Variants in TUFT1 observed in about 807,000 individuals in gnomAD.
The protein encoded by TUFT1 is tuftelin.
TUFT1 carries 43 observed loss-of-function variants against 57.8 expected under a neutral mutation model. The ratio of observed to expected loss-of-function variants is 0.74; its 90% confidence interval spans 0.58 to 0.96. TUFT1 has a LOEUF of 0.96. Ranked by LOEUF, TUFT1 falls within the 40% of genes least tolerant of loss-of-function variation. The pLI is 0.00. For missense variants in TUFT1, 459 were observed against 489.0 expected (o/e 0.94, Z 0.58); for synonymous variants, 166 against 176.7 (o/e 0.94, Z 0.48).
intron 6 of TUFT1, among the ~76,000 whole-genome samples, chr1:151,568,191 G>A (rs1666142065): frequency 1.3e-5 from 2 of 151,994 alleles, no homozygotes; most frequent in African/African-American, 4.8e-5. Context: ...ATCCTCATGG[G>A]TCCTGTCAAG....
At chr1:151,563,592 T>C (rs1160556820) in intron 3 of TUFT1, among the ~76,000 whole-genome samples, 1 of 152,152 alleles carries the variant, frequency 6.6e-6, no homozygotes, top group Non-Finnish European at 1.5e-5. Context: ...AAGGATGAAA[T>C]TGCCTAATGA....
intron 11 of TUFT1, 105 bp from the exon 12 acceptor site, chr1:151,580,837 C>A: frequency 1.0e-6 from 1 of 976,138 alleles, no homozygotes; most frequent in Non-Finnish European, 1.6e-6. Context: ...GGGGTAGAGG[C>A]AACAGCAGCA....
At chr1:151,555,951 T>C (rs1665684081) in intron 1 of TUFT1, among the ~76,000 whole-genome samples, 1 of 152,072 alleles carries the variant, frequency 6.6e-6, no homozygotes. Context: ...AACATTTCCA[T>C]CACCAAAAGC....
chr1:151,548,937 C>T (rs1217790773), intron 1 of TUFT1, among the ~76,000 whole-genome samples: 2 of 152,134 alleles, frequency 1.3e-5, no homozygotes, highest in Non-Finnish European at 2.9e-5. Context: ...TTCCCTGGGG[C>T]CTCCCTGTTT....
At chr1:151,563,369 G>A (rs539797105) in intron 3 of TUFT1, among the ~76,000 whole-genome samples, 8 of 152,002 alleles carry the variant, frequency 5.3e-5, no homozygotes, top group Admixed American at 3.3e-4. Flanking sequence ...AGACAACAGT[G>A]GTCCCATAAG....
intron 1 of TUFT1, 160 bp downstream of exon 1, chr1:151,540,586 C>G: frequency 1.3e-6 from 1 of 769,270 alleles, no homozygotes; most frequent in Non-Finnish European, 2.1e-6. Context: ...TTGCCTGCGA[C>G]GGGCAGTGGG....
chr1:151,544,337 C>T (rs548268217), intron 1 of TUFT1, among the ~76,000 whole-genome samples: 367 of 152,132 alleles, frequency 2.4e-3, no homozygotes, highest in South Asian at 5.4e-3. Flanking sequence ...CACTCTGTCA[C>T]CCAGGCTGGG....
At chr1:151,566,566 T>A (rs558198955) in intron 6 of TUFT1, among the ~76,000 whole-genome samples, 10 of 152,282 alleles carry the variant, frequency 6.6e-5, no homozygotes, top group African/African-American at 2.4e-4. Flanking sequence ...ATTGTTCCAA[T>A]AGGTGGCCTG....
At chr1:151,573,080 T>C (rs769792578) in intron 7 of TUFT1, among the ~76,000 whole-genome samples, 36 of 152,156 alleles carry the variant, frequency 2.4e-4, no homozygotes, top group Non-Finnish European at 3.8e-4. Flanking sequence ...AGGAGAGGGT[T>C]GGATTAGAAG....
chr1:151,558,061 T>C (rs1665771037), intron 1 of TUFT1: 2 of 343,184 alleles, frequency 5.8e-6, no homozygotes, highest in Admixed American at 8.4e-5. Flanking sequence ...TCAACTCATG[T>C]TTCTTTCTTC....
Position 151,562,649 on chromosome 1 carries a change from T to A in TUFT1, c.200T>A (p.Leu67Gln). Residue 67 changes from leucine (L) to glutamine (Q), a missense_variant, in exon 3 of 13, where the codon CTG (leucine) becomes CAG (glutamine). Physicochemically the swap from Leu to Gln is moderately radical, Grantham distance 113. Coordinates refer to ENST00000368849, the MANE Select transcript of TUFT1 (RefSeq NM_020127.3). The stretch of plus-strand genomic sequence containing the variant: ...GCTGGTCATTCTCTGGCTTCAGAAC[T>A]GGTGGAGTCCCATGATGGACATGAG... ...HSAGHSLASE[L>Q]VESHDGHEEI... 1 of 1,613,376 alleles carries A rather than the reference T, an allele frequency of 6.2e-7. No homozygotes were observed. The highest frequency in any genetic ancestry group is 8.5e-7 in the Non-Finnish European group (1 of 1,180,010).
At chr1:151,576,380 T>C (rs1173099622) in intron 9 of TUFT1, among the ~76,000 whole-genome samples, 3 of 152,132 alleles carry the variant, frequency 2.0e-5, no homozygotes, top group Non-Finnish European at 4.4e-5. Context: ...CAATTCTCAA[T>C]TGATACCAGC....
Position 151,566,216 on chromosome 1 carries a change from C to T in TUFT1, c.468C>T (p.Ser156=). The change falls in exon 6 of 13, where the codon AGC becomes AGT. Residue 156 remains serine, a synonymous_variant. Transcript: ENST00000368849. ...GTCAGAGTCCCACAGCCCTGTACAGCAGCCCACCTGAGGTAGGTAACAGAG... is the reference window on the plus strand; with the variant it reads ...GTCAGAGTCCCACAGCCCTGTACAGTAGCCCACCTGAGGTAGGTAACAGAG... ...GFSQSPTALY[S]SPPEVDTCIN... The T allele has an allele frequency of 6.2e-7, 1 of 1,611,566 alleles. No homozygotes were observed.
In TUFT1 at chr1:151,581,783, A is replaced by T; in HGVS notation, c.*76A>T. The stretch of plus-strand genomic sequence containing the variant: ...CCCACTGCCCCTGTTGGCTGTTAAC[A>T]CTGCCTTTGACTTCCTGACTGTCCC... On this transcript the variant is annotated 3_prime_UTR_variant, in exon 13 of 13. Transcript: ENST00000368849. 5 of 1,466,012 alleles carry T rather than the reference A, an allele frequency of 3.4e-6. No individual in the cohort carries two copies. Among genetic ancestry groups the T allele is most frequent in the Non-Finnish European group, 4.8e-6 (5 of 1,048,006 alleles). 90.8% of individuals were successfully genotyped at this position (1,466,012 alleles called of 1,614,324 possible). A position where few individuals can be genotyped will look rare whatever the true frequency, so the allele number is the denominator to read the frequency against.
Position 151,554,904 on chromosome 1 carries a change from A to C in TUFT1, c.61-7187A>C, listed in dbSNP as rs1189947341. 7.4e-5 allele frequency among the ~76,000 whole-genome samples: 11 copies of C among 149,072 alleles called. No homozygotes were observed. In the South Asian group the frequency reaches 8.5e-4, roughly 12 times the overall value. ...TTTTCAGTAGAGACAGGGTTTCAGCATGTTGGCCAGGCTGGTCTTGAACTC... is the reference window on the plus strand; with the variant it reads ...TTTTCAGTAGAGACAGGGTTTCAGCCTGTTGGCCAGGCTGGTCTTGAACTC... On this transcript the variant is annotated intron_variant, in intron 1 of 12. Transcript: ENST00000368849.
intron 5 of TUFT1, 187 bp downstream of exon 5, chr1:151,564,801 T>C (rs1309676294): frequency 1.1e-5 from 6 of 541,158 alleles, no homozygotes; most frequent in Non-Finnish European, 2.0e-5. Context: ...GATGAGCACT[T>C]ACATTTACAC....
chr1:151,560,562 T>C (rs1330254794), intron 1 of TUFT1, among the ~76,000 whole-genome samples: 1 of 152,110 alleles, frequency 6.6e-6, no homozygotes, highest in Non-Finnish European at 1.5e-5. Flanking sequence ...GTTAAGAGGG[T>C]TCCTTAAAAC....
chr1:151,553,346 A>G (rs561137456), intron 1 of TUFT1, among the ~76,000 whole-genome samples: 1 of 152,290 alleles, frequency 6.6e-6, no homozygotes, highest in African/African-American at 2.4e-5. Context: ...CACGCCTCCC[A>G]AAGTGCTGAG....
At chr1:151,555,641 G>T (rs1275743702) in intron 1 of TUFT1, among the ~76,000 whole-genome samples, 1 of 151,746 alleles carries the variant, frequency 6.6e-6, no homozygotes, top group Non-Finnish European at 1.5e-5. Context: ...GCCGGACGTT[G>T]TGGTGGGTGC....
Sources: gnomAD v4.1 joint callset for allele counts (sites outside exome capture counted in the v4.1 genomes callset) on GRCh38, gnomAD v4.1.1 for gene constraint, MANE v1.5 for transcripts, NCBI Gene and HGNC (gene_info 2026-07-23, HGNC 2026-07-21) for gene names.